SSBP2: variants seen among roughly 807,000 people sequenced by gnomAD.
SSBP2 encodes single stranded DNA binding protein 2.
Under a neutral mutation model 61.8 loss-of-function variants are expected in SSBP2, and 17 were observed. The observed-to-expected ratio is 0.28, with a 90% CI of 0.19 to 0.41. The LOEUF is 0.41. Ranked by LOEUF, SSBP2 falls within the 10% of genes least tolerant of loss-of-function variation. The pLI, the probability that SSBP2 is intolerant of heterozygous loss-of-function variation, is 1.00. For missense variants in SSBP2, 310 were observed against 458.7 expected (o/e 0.68, Z 2.96); for synonymous variants, 139 against 141.3 (o/e 0.98, Z 0.12).
intron 7 of SSBP2, 133 bp downstream of exon 7, chr5:81,474,363 C>T: frequency 1.5e-6 from 1 of 682,350 alleles, no homozygotes; most frequent in Non-Finnish European, 2.5e-6. Flanking sequence ...AATCATTTGG[C>T]TATGTTACTT....
Position 81,514,223 on chromosome 5 carries a change from T to A in SSBP2, c.283-506A>T, listed in dbSNP as rs151174275. Among the ~76,000 whole-genome samples the A allele has an allele frequency of 6.1e-4, 93 of 152,198 alleles. 2 individuals carry two copies. In the East Asian group the frequency reaches 0.017, roughly 28 times the overall value. On this transcript the variant is annotated intron_variant, in intron 4 of 16. Coordinates refer to ENST00000320672, the MANE Select transcript of SSBP2 (RefSeq NM_012446.5). ...AGGTGGCAACACTCATATTATTCAC[T>A]TTCTGATATACTGTAACTGGTAGCC...
intron 4 of SSBP2, among the ~76,000 whole-genome samples, chr5:81,576,370 A>G (rs549377878): frequency 1.4e-3 from 206 of 152,234 alleles, no homozygotes; most frequent in Non-Finnish European, 2.6e-3. Flanking sequence ...ATATAACACT[A>G]TATGTTAGGC....
intron 1 of SSBP2, among the ~76,000 whole-genome samples, chr5:81,704,795 CAAAAAAAAAAAAAAAA>C (rs34376110): frequency 1.9e-5 from 1 of 51,990 alleles, no homozygotes; most frequent in Non-Finnish European, 3.3e-5. Flanking sequence ...GATTCCATCT[CAAAAAAAAAAAAAAAA>C]AAAAAAAAAA....
chr5:81,636,448 T>A, intron 3 of SSBP2, 109 bp downstream of exon 3: 1 of 922,104 alleles, frequency 1.1e-6, no homozygotes, highest in Non-Finnish European at 1.6e-6. Flanking sequence ...TTCCAGAAAA[T>A]TTTAGAAAAT....
rs183902287 is a variant in SSBP2, at chr5:81,538,039, A to C, written c.283-24322T>G. Among the ~76,000 whole-genome samples, 12 of 152,322 alleles carry C rather than the reference A, an allele frequency of 7.9e-5. No homozygotes were observed. The East Asian group carries it at 2.3e-3, about 29-fold the overall frequency. ...GTTGCACATCTCTCACTCTAAATCA[A>C]AAGCTAAAAATGATCAAGCTCAGTG... On this transcript the variant is annotated intron_variant, in intron 4 of 16. Transcript: ENST00000320672.
intron 5 of SSBP2, among the ~76,000 whole-genome samples, chr5:81,490,679 C>T (rs955220991): frequency 3.3e-5 from 5 of 152,142 alleles, no homozygotes; most frequent in Non-Finnish European, 5.9e-5. Context: ...AAAGGAGCCT[C>T]TAAAAAATAA....
intron 1 of SSBP2, among the ~76,000 whole-genome samples, chr5:81,737,091 C>T (rs1396342103): frequency 6.6e-6 from 1 of 152,134 alleles, no homozygotes; most frequent in African/African-American, 2.4e-5. Context: ...TCACTTTCAA[C>T]ACCCACCTAA....
intron 4 of SSBP2, among the ~76,000 whole-genome samples, chr5:81,603,642 T>C (rs1410654130): frequency 2.0e-5 from 3 of 152,108 alleles, no homozygotes. Flanking sequence ...CTTAAACTAA[T>C]GACAACTATT....
chr5:81,430,376 CA>C (rs1428443049), intron 15 of SSBP2, among the ~76,000 whole-genome samples: 1 of 152,140 alleles, frequency 6.6e-6, no homozygotes, highest in East Asian at 1.9e-4. Context: ...GCATATTTCA[CA>C]CAGTCAAACA....
chr5:81,561,157 T>G (rs1250835405), intron 4 of SSBP2, among the ~76,000 whole-genome samples: 1 of 152,200 alleles, frequency 6.6e-6, no homozygotes, highest in African/African-American at 2.4e-5. Context: ...TGTAATCCCC[T>G]GATAAATCCT....
intron 1 of SSBP2, among the ~76,000 whole-genome samples, chr5:81,690,365 T>G (rs1229700972): frequency 6.6e-6 from 1 of 151,942 alleles, no homozygotes; most frequent in African/African-American, 2.4e-5. Context: ...TAAACACACT[T>G]CACTAAAAAG....
At chr5:81,661,516 CTT>C (rs34884407) in intron 1 of SSBP2, among the ~76,000 whole-genome samples, 49 of 149,450 alleles carry the variant, frequency 3.3e-4, no homozygotes, top group South Asian at 8.5e-4. Context: ...ACACTTCTCT[CTT>C]TTTTTTTTTA....
At chr5:81,651,745 A>G (rs1207065822) in intron 1 of SSBP2, among the ~76,000 whole-genome samples, 1 of 152,190 alleles carries the variant, frequency 6.6e-6, no homozygotes, top group African/African-American at 2.4e-5. Flanking sequence ...GGAAATTGGA[A>G]TATTCCTGTA....
At chr5:81,640,209 G>A (rs1748649751) in intron 2 of SSBP2, among the ~76,000 whole-genome samples, 2 of 152,176 alleles carry the variant, frequency 1.3e-5, no homozygotes, top group African/African-American at 4.8e-5. Context: ...GCATGGTGGT[G>A]TGCGCCTGTA....
At position 81,729,968 on chromosome 5, in the gene SSBP2, T is replaced by C. The variant is rs533301909; in HGVS notation, c.62+21013A>G. 5.1e-4 allele frequency among the ~76,000 whole-genome samples: 77 copies of C among 152,236 alleles called. No individual in the cohort carries two copies. The East Asian group carries it at 5.8e-3, about 11-fold the overall frequency. On this transcript the variant is annotated intron_variant, in intron 1 of 16. Coordinates refer to ENST00000320672, the MANE Select transcript of SSBP2 (RefSeq NM_012446.5). ...AATTTAAAATACCTATTCTAAAGGA[T>C]TGACCCTTAATTATTAATCTATTTT...
At chr5:81,653,816 T>C (rs929628948) in intron 1 of SSBP2, among the ~76,000 whole-genome samples, 1 of 152,294 alleles carries the variant, frequency 6.6e-6, no homozygotes, top group East Asian at 1.9e-4. Context: ...TTATTTAAGT[T>C]CTTTGTAGAT....
chr5:81,662,631 G>T (rs913149467), intron 1 of SSBP2, among the ~76,000 whole-genome samples: 7 of 151,738 alleles, frequency 4.6e-5, no homozygotes, highest in Non-Finnish European at 8.8e-5. Context: ...GTGAAACCCC[G>T]TCTCTACTAA....
intron 10 of SSBP2, 54 bp from the exon 11 acceptor site, chr5:81,448,879 T>G (rs1763582022): frequency 7.8e-7 from 1 of 1,278,280 alleles, no homozygotes; most frequent in Admixed American, 1.9e-5. Flanking sequence ...ATATGGACAC[T>G]GACCTAAAAT....
At chr5:81,439,757 C>T (rs1011652352) in intron 14 of SSBP2, among the ~76,000 whole-genome samples, 3 of 150,782 alleles carry the variant, frequency 2.0e-5, no homozygotes, top group East Asian at 1.9e-4. Context: ...CTGCAAGCTC[C>T]GCCTCCCGGG....
Sources: allele counts gnomAD v4.1 joint callset (sites outside exome capture counted in the v4.1 genomes callset), GRCh38; gene constraint gnomAD v4.1.1; transcripts MANE v1.5; gene names NCBI Gene and HGNC (gene_info 2026-07-23, HGNC 2026-07-21).